Variants in CADPS2 observed in about 807,000 individuals in gnomAD.
CADPS2 encodes calcium dependent secretion activator 2, also known as calcium-dependent secretion activator 2.
CADPS2 carries 93 observed loss-of-function variants against 172.5 expected under a neutral mutation model. That is an observed-to-expected ratio of 0.54 (90% CI 0.46 to 0.64). CADPS2 has a LOEUF of 0.64. Among genes scored for constraint, CADPS2 ranks in the 30% least tolerant of loss-of-function variants. The probability of loss-of-function intolerance (pLI) is 0.00; values close to 1 mark genes in which losing one functional copy is unlikely to be tolerated. For missense variants in CADPS2, 1,420 were observed against 1,565.9 expected (o/e 0.91, Z 1.57); for synonymous variants, 546 against 555.2 (o/e 0.98, Z 0.23).
At chr7:122,540,112 G>T (rs1033344844) in intron 8 of CADPS2, among the ~76,000 whole-genome samples, 3 of 151,986 alleles carry the variant, frequency 2.0e-5, no homozygotes, top group Non-Finnish European at 2.9e-5. Flanking sequence ...AATTTTAAAA[G>T]TCCACTGAAT....
chr7:122,507,634 A>G (rs1431720360), intron 9 of CADPS2, among the ~76,000 whole-genome samples: 1 of 152,192 alleles, frequency 6.6e-6, no homozygotes, highest in Non-Finnish European at 1.5e-5. Flanking sequence ...GAGTCCCTGG[A>G]AGAATTTAAG....
At chr7:122,756,531 T>C (rs980234567) in intron 1 of CADPS2, among the ~76,000 whole-genome samples, 1 of 152,184 alleles carries the variant, frequency 6.6e-6, no homozygotes, top group Non-Finnish European at 1.5e-5. Context: ...GTACCCTTGA[T>C]ATATAATTGA....
intron 1 of CADPS2, among the ~76,000 whole-genome samples, chr7:122,749,505 A>G (rs1037608068): frequency 6.6e-6 from 1 of 152,124 alleles, no homozygotes; most frequent in Admixed American, 6.6e-5. Flanking sequence ...CCTAACAAAT[A>G]ACAAAATTCT....
intron 3 of CADPS2, among the ~76,000 whole-genome samples, chr7:122,631,581 T>C (rs1587978914): frequency 1.3e-5 from 2 of 152,096 alleles, no homozygotes; most frequent in Admixed American, 6.6e-5. Context: ...ACCTGGTCTG[T>C]TTTTTTAAAA....
chr7:122,355,770 A>G (rs1192873633), intron 27 of CADPS2, among the ~76,000 whole-genome samples: 1 of 152,204 alleles, frequency 6.6e-6, no homozygotes, highest in East Asian at 1.9e-4. Context: ...AAAAGAACTA[A>G]TGCAGTTATG....
chr7:122,551,092 C>T (rs2064223086), intron 8 of CADPS2, among the ~76,000 whole-genome samples: 1 of 151,948 alleles, frequency 6.6e-6, no homozygotes, highest in Non-Finnish European at 1.5e-5. Flanking sequence ...TTATCAGAAA[C>T]ATGAGCTTTA....
At chr7:122,816,461 A>C (rs969073644) in intron 1 of CADPS2, among the ~76,000 whole-genome samples, 2 of 152,172 alleles carry the variant, frequency 1.3e-5, no homozygotes, top group Non-Finnish European at 2.9e-5. Context: ...CGTTGATTCC[A>C]TATCTTGGCT....
rs111654027 is a variant in CADPS2, at chr7:122,508,167, T to C, written c.1542+5082A>G. Among the ~76,000 whole-genome samples, 1,097 of 152,176 alleles carry C rather than the reference T, an allele frequency of 7.2e-3. 11 individuals are homozygous for C. Among genetic ancestry groups the C allele is most frequent in the Middle Eastern group, 0.027 (8 of 294 alleles). On this transcript the variant is annotated intron_variant, in intron 9 of 29. Coordinates refer to ENST00000449022, the MANE Select transcript of CADPS2 (RefSeq NM_017954.11). ...CAGAGCGTTTTGAAATGGAGTCTTG[T>C]AGAACAATTTTCAAAAAAAATTAAG...
chr7:122,631,815 A>G (rs2076606367), intron 3 of CADPS2, among the ~76,000 whole-genome samples: 1 of 152,118 alleles, frequency 6.6e-6, no homozygotes, highest in Non-Finnish European at 1.5e-5. Flanking sequence ...TGGTGAGCAT[A>G]GTATCCAATA....
At chr7:122,610,630 C>A (rs2074178108) in intron 6 of CADPS2, among the ~76,000 whole-genome samples, 1 of 151,966 alleles carries the variant, frequency 6.6e-6, no homozygotes, top group Non-Finnish European at 1.5e-5. Context: ...TTGATGATAG[C>A]TGCACAAATG....
chr7:122,445,719 G>A (rs1446186620), intron 15 of CADPS2, among the ~76,000 whole-genome samples: 1 of 152,132 alleles, frequency 6.6e-6, no homozygotes, highest in Non-Finnish European at 1.5e-5. Context: ...GGATGCTGAG[G>A]TGGGAGGATC....
intron 9 of CADPS2, among the ~76,000 whole-genome samples, chr7:122,502,337 GCTGA>G (rs939875088): frequency 2.0e-5 from 3 of 152,000 alleles, no homozygotes; most frequent in South Asian, 2.1e-4. Flanking sequence ...ATTCTGAGAA[GCTGA>G]CTGTTAACAG....
chr7:122,800,470 T>C (rs2139927789), intron 1 of CADPS2, among the ~76,000 whole-genome samples: 1 of 152,310 alleles, frequency 6.6e-6, no homozygotes, highest in South Asian at 2.1e-4. Context: ...AACATTAAAA[T>C]TCATAGGAAT....
At chr7:122,541,355 C>T (rs1391164023) in intron 8 of CADPS2, among the ~76,000 whole-genome samples, 1 of 114,308 alleles carries the variant, frequency 8.7e-6, no homozygotes. Context: ...CACCACCACA[C>T]CCAGCTATTT....
chr7:122,668,504 T>G (rs765920485), intron 2 of CADPS2, among the ~76,000 whole-genome samples: 5 of 151,596 alleles, frequency 3.3e-5, no homozygotes, highest in Non-Finnish European at 7.4e-5. Flanking sequence ...CCACGGCAGG[T>G]TGGTGGTGTC....
chr7:122,406,226 A>C (rs2046622502), intron 20 of CADPS2, among the ~76,000 whole-genome samples: 1 of 152,224 alleles, frequency 6.6e-6, no homozygotes, highest in Non-Finnish European at 1.5e-5. Context: ...GTTAAGAAAG[A>C]CTAGACTAGA....
In CADPS2 at chr7:122,723,441, A is replaced by T. The variant is rs376170031; in HGVS notation, c.453+13514T>A. Among the ~76,000 whole-genome samples the T allele has an allele frequency of 9.9e-3, 1,513 of 152,214 alleles. 23 individuals are homozygous for T. The highest frequency in any genetic ancestry group is 0.034 in the African/African-American group (1,426 of 41,548). ...CACATGAAAAAATGCTCATCATCAC[A>T]GGCCATCAGAGAAATGCAAATCAAA... On this transcript the variant is annotated intron_variant, in intron 2 of 29. Transcript: ENST00000449022.
At chr7:122,549,174 A>G (rs1252848799) in intron 8 of CADPS2, among the ~76,000 whole-genome samples, 1 of 152,120 alleles carries the variant, frequency 6.6e-6, no homozygotes, top group Admixed American at 6.6e-5. Flanking sequence ...AGGCAGGAGG[A>G]TCGCTTGAGT....
chr7:122,517,794 T>C (rs1342492410), intron 8 of CADPS2, among the ~76,000 whole-genome samples: 2 of 151,946 alleles, frequency 1.3e-5, no homozygotes, highest in Non-Finnish European at 2.9e-5. Flanking sequence ...GGGTAATCTT[T>C]TTACCTCAGA....
Sources: allele counts gnomAD v4.1 joint callset (sites outside exome capture counted in the v4.1 genomes callset), GRCh38; gene constraint gnomAD v4.1.1; transcripts MANE v1.5; gene names NCBI Gene and HGNC (gene_info 2026-07-23, HGNC 2026-07-21).